The following PPP2R3A variants were observed in gnomAD, a reference collection of about 807,000 sequenced individuals.
The protein encoded by PPP2R3A is protein phosphatase 2 regulatory subunit B''alpha.
In PPP2R3A, 80 loss-of-function variants were observed where a neutral mutation model predicts 106.9. The observed-to-expected ratio is 0.75, with a 90% CI of 0.62 to 0.90. PPP2R3A has a LOEUF of 0.90. Among genes scored for constraint, PPP2R3A ranks in the 40% least tolerant of loss-of-function variants. The pLI is 0.00. For missense variants in PPP2R3A, 1,386 were observed against 1,350.4 expected (o/e 1.03, Z -0.41); for synonymous variants, 483 against 468.3 (o/e 1.03, Z -0.41).
chr3:136,085,758 T>C (rs1576491466), intron 8 of PPP2R3A, among the ~76,000 whole-genome samples: 1 of 152,074 alleles, frequency 6.6e-6, no homozygotes, highest in African/African-American at 2.4e-5. Flanking sequence ...TTTTGTTTTT[T>C]GGTATGGCTG....
chr3:136,061,812 C>A (rs1037269298), intron 5 of PPP2R3A, among the ~76,000 whole-genome samples: 16 of 150,206 alleles, frequency 1.1e-4, no homozygotes, highest in African/African-American at 3.9e-4. Flanking sequence ...CCCAGCTACT[C>A]GGGAAGCTGA....
At chr3:135,977,331 CATT>C (rs1337742091) in intron 1 of PPP2R3A, among the ~76,000 whole-genome samples, 1 of 152,140 alleles carries the variant, frequency 6.6e-6, no homozygotes, top group Non-Finnish European at 1.5e-5. Context: ...ATATCATTGA[CATT>C]AATAATAGTT....
intron 4 of PPP2R3A, among the ~76,000 whole-genome samples, chr3:136,045,823 A>G (rs1935452690): frequency 6.6e-6 from 1 of 152,174 alleles, no homozygotes; most frequent in Non-Finnish European, 1.5e-5. Context: ...AGCTTGAATT[A>G]CAGCACCAAA....
At chr3:136,082,169 T>G in intron 7 of PPP2R3A, 96 bp from the exon 8 acceptor site, 1 of 1,111,566 alleles carries the variant, frequency 9.0e-7, no homozygotes, top group East Asian at 2.5e-5. Flanking sequence ...GAAAAAAATT[T>G]TAAATTCAGT....
At chr3:135,983,059 A>G (rs1474841133) in intron 1 of PPP2R3A, among the ~76,000 whole-genome samples, 3 of 152,216 alleles carry the variant, frequency 2.0e-5, no homozygotes, top group Non-Finnish European at 4.4e-5. Flanking sequence ...GCTTGGTTAA[A>G]TAGAGGGCAT....
intron 8 of PPP2R3A, 66 bp from the exon 9 acceptor site, chr3:136,087,817 A>C: frequency 2.3e-6 from 3 of 1,321,616 alleles, no homozygotes; most frequent in South Asian, 2.6e-5. Flanking sequence ...CAAATTTGTG[A>C]AAAGTATTGC....
intron 2 of PPP2R3A, among the ~76,000 whole-genome samples, chr3:136,024,558 C>A (rs1427578212): frequency 2.0e-5 from 3 of 152,042 alleles, no homozygotes; most frequent in South Asian, 2.1e-4. Flanking sequence ...TCTTTGGCAG[C>A]CAGTGTTCTG....
At chr3:136,113,152 G>A (rs765552808) in intron 13 of PPP2R3A, among the ~76,000 whole-genome samples, 13 of 151,198 alleles carry the variant, frequency 8.6e-5, no homozygotes, top group Non-Finnish European at 1.3e-4. Flanking sequence ...AAAAAAGCCC[G>A]AATAGCCAGA....
Position 135,997,872 on chromosome 3 carries a change from A to T in PPP2R3A, c.-440-3187A>T, listed in dbSNP as rs560207451. On this transcript the variant is annotated intron_variant, in intron 1 of 13. Transcript: ENST00000264977. ...CACTTCTTGCATGGATTATTATCAT[A>T]ACCTCCTAATCGATTTCTAGGTCTT... Among the ~76,000 whole-genome samples the T allele has an allele frequency of 2.6e-5, 4 of 152,278 alleles. No individual in the cohort carries two copies. The East Asian group carries it at 7.7e-4, about 29-fold the overall frequency.
intron 10 of PPP2R3A, among the ~76,000 whole-genome samples, chr3:136,097,650 T>C (rs569421837): frequency 2.6e-5 from 4 of 152,218 alleles, no homozygotes; most frequent in Non-Finnish European, 5.9e-5. Flanking sequence ...ATAAGTTGTC[T>C]TTCACTTCAG....
chr3:136,102,395 G>A (rs546902975), intron 11 of PPP2R3A, among the ~76,000 whole-genome samples: 2 of 142,244 alleles, frequency 1.4e-5, no homozygotes, highest in African/African-American at 5.2e-5. Context: ...CTGCCAGGCT[G>A]GAGTACAATG....
intron 13 of PPP2R3A, among the ~76,000 whole-genome samples, chr3:136,118,831 A>G (rs1937879890): frequency 6.6e-6 from 1 of 152,220 alleles, no homozygotes; most frequent in African/African-American, 2.4e-5. Context: ...ATCCCCATCA[A>G]GCTACCACTG....
chr3:136,109,234 A>G (rs780437475), intron 13 of PPP2R3A, among the ~76,000 whole-genome samples: 1 of 152,238 alleles, frequency 6.6e-6, no homozygotes, highest in Admixed American at 6.5e-5. Context: ...TAAGAAAATT[A>G]TAATAAGCTG....
intron 1 of PPP2R3A, among the ~76,000 whole-genome samples, chr3:136,000,026 T>TG (rs1170752558): frequency 1.3e-5 from 2 of 152,174 alleles, no homozygotes; most frequent in African/African-American, 4.8e-5. Flanking sequence ...CCTTTGTACT[T>TG]GCGGTTATTC....
At chr3:136,008,001 A>G (rs945163617) in intron 2 of PPP2R3A, among the ~76,000 whole-genome samples, 9 of 141,682 alleles carry the variant, frequency 6.4e-5, no homozygotes, top group Admixed American at 4.1e-4. Context: ...CAGAGGAAAT[A>G]AAGAACCTTC....
chr3:135,985,933 C>T (rs1443304985), intron 1 of PPP2R3A, among the ~76,000 whole-genome samples: 1 of 152,046 alleles, frequency 6.6e-6, no homozygotes, highest in Non-Finnish European at 1.5e-5. Flanking sequence ...CTTTGGGGAG[C>T]CATAAATGAC....
At chr3:136,000,029 G>T (rs549268010) in intron 1 of PPP2R3A, among the ~76,000 whole-genome samples, 2 of 152,146 alleles carry the variant, frequency 1.3e-5, no homozygotes, top group South Asian at 4.1e-4. Context: ...TTGTACTTGC[G>T]GTTATTCTAC....
intron 13 of PPP2R3A, 25 bp downstream of exon 13, chr3:136,106,347 T>C (rs200033362): frequency 6.0e-5 from 95 of 1,592,680 alleles, no homozygotes; most frequent in South Asian, 1.7e-4. Flanking sequence ...CTATGTCTTA[T>C]AGAATTTTTA....
chr3:136,116,116 C>T (rs1937744259), intron 13 of PPP2R3A, among the ~76,000 whole-genome samples: 1 of 152,124 alleles, frequency 6.6e-6, no homozygotes, highest in African/African-American at 2.4e-5. Flanking sequence ...GAATTTTCAA[C>T]CCAGAATTTC....
Sources: allele counts gnomAD v4.1 joint callset (sites outside exome capture counted in the v4.1 genomes callset), GRCh38; gene constraint gnomAD v4.1.1; transcripts MANE v1.5; gene names NCBI Gene and HGNC (gene_info 2026-07-23, HGNC 2026-07-21).